Variants in SRSF11 observed in about 807,000 individuals in gnomAD.
SRSF11 encodes serine and arginine rich splicing factor 11.
SRSF11 carries 9 observed loss-of-function variants against 56.0 expected under a neutral mutation model. The observed-to-expected ratio is 0.16, with a 90% CI of 0.10 to 0.28. The LOEUF (loss-of-function observed/expected upper bound fraction) is 0.28, where lower values mean the gene tolerates loss of function less well. Among genes scored for constraint, SRSF11 ranks in the 10% least tolerant of loss-of-function variants. The pLI is 1.00. For synonymous variants in SRSF11, 222 were observed against 215.3 expected, an observed-to-expected ratio of 1.03 and a Z score of -0.27; for missense variants, 421 against 600.7, an observed-to-expected ratio of 0.70 and a Z score of 3.13.
chr1:70,227,933 A>G (rs1014157296), intron 1 of SRSF11, among the ~76,000 whole-genome samples: 1 of 152,196 alleles, frequency 6.6e-6, no homozygotes, highest in African/African-American at 2.4e-5. Context: ...AGTGCAGGGC[A>G]TGGAACCTGT....
chr1:70,209,921 A>G lies in SRSF11; in HGVS notation c.-26+4141A>G, dbSNP rs74838182. Among the ~76,000 whole-genome samples, 148 of 151,530 alleles carry G rather than the reference A, an allele frequency of 9.8e-4. 3 individuals are homozygous for G. The East Asian group carries it at 0.025, about 25-fold the overall frequency. On this transcript the variant is annotated intron_variant, in intron 1 of 12. Transcript: ENST00000370950. ...GCCAAGAAGACATTCTTTTCTTTTC[A>G]GTGAAGACAGTACATATTTTGCATT...
At chr1:70,219,307 C>T (rs1378944636), upstream of SRSF11, among the ~76,000 whole-genome samples, 1 of 152,066 alleles carries the variant, frequency 6.6e-6, no homozygotes, top group East Asian at 1.9e-4. Flanking sequence ...GATACCAGGA[C>T]CCCAGAGGAT....
rs762418462 is a variant in SRSF11, at chr1:70,251,514, T to C, written c.*709T>C. On this transcript the variant is annotated 3_prime_UTR_variant, in exon 12 of 12. Transcript: ENST00000370949. ...ATTTTGAAGTAGAGTTGTATACTTTTTCATAAGATGTTTGGGAATTTTTTT... is the reference window on the plus strand; with the variant it reads ...ATTTTGAAGTAGAGTTGTATACTTTCTCATAAGATGTTTGGGAATTTTTTT... 3 of 152,610 alleles carry C rather than the reference T, an allele frequency of 2.0e-5. No individual in the cohort carries two copies. The highest frequency in any genetic ancestry group is 4.4e-5 in the Non-Finnish European group (3 of 68,000). The allele number at this position is 152,610 out of a possible 1,614,324, so 9.5% of individuals were successfully genotyped here.
At chr1:70,233,322 G>A (rs762298933) in intron 3 of SRSF11, among the ~76,000 whole-genome samples, 13 of 152,088 alleles carry the variant, frequency 8.5e-5, no homozygotes, top group African/African-American at 2.2e-4. Flanking sequence ...TCGGCTCACC[G>A]CAGTCTCCAC....
At chr1:70,227,688 TCTTA>T (rs1218989552) in intron 1 of SRSF11, among the ~76,000 whole-genome samples, 1 of 152,192 alleles carries the variant, frequency 6.6e-6, no homozygotes, top group African/African-American at 2.4e-5. Context: ...GTGTTATCTG[TCTTA>T]CTTACACTGC....
chr1:70,222,994 A>G (rs919506866), intron 1 of SRSF11, among the ~76,000 whole-genome samples: 1 of 152,222 alleles, frequency 6.6e-6, no homozygotes, highest in East Asian at 1.9e-4. Flanking sequence ...CTTAGTTTGC[A>G]TGACGTGGAG....
At chr1:70,231,592 CCTAT>C (rs1672852280) in intron 2 of SRSF11, 1 of 1,127,534 alleles carries the variant, frequency 8.9e-7, no homozygotes, top group Non-Finnish European at 1.1e-6. Context: ...TGTTGTTTTA[CCTAT>C]CTCTCTTTCT....
At chr1:70,210,345 C>T (rs1287899853) in intron 1 of SRSF11, among the ~76,000 whole-genome samples, 1 of 151,936 alleles carries the variant, frequency 6.6e-6, no homozygotes, top group African/African-American at 2.4e-5. Flanking sequence ...TTTATAGAGA[C>T]AGGGTCTCCC....
intron 6 of SRSF11, among the ~76,000 whole-genome samples, chr1:70,238,934 G>T (rs1674708896): frequency 1.3e-5 from 2 of 152,162 alleles, no homozygotes; most frequent in Admixed American, 1.3e-4. Context: ...AAGCTTGGAT[G>T]ATTTGCAATT....
rs985393703 is a variant in SRSF11, at chr1:70,221,406, G to A, written c.-231G>A. 1.7e-5 allele frequency: 9 copies of A among 540,466 alleles called. No individual in the cohort carries two copies. Among genetic ancestry groups the A allele is most frequent in the African/African-American group, 1.6e-4 (8 of 50,482 alleles). The allele number at this position is 540,466 out of a possible 1,614,324, so 33.5% of individuals were successfully genotyped here. On this transcript the variant is annotated 5_prime_UTR_variant, in exon 1 of 12. Transcript: ENST00000370949. Reference sequence around the variant, plus strand: ...GTGTCGTGGTTGGAGGCGAGGTGGGGCGGCCGTTTGTTTTCTCGTGGTCTC... The same window carrying A: ...GTGTCGTGGTTGGAGGCGAGGTGGGACGGCCGTTTGTTTTCTCGTGGTCTC...
intron 1 of SRSF11, among the ~76,000 whole-genome samples, chr1:70,222,320 GATC>G (rs1670829771): frequency 6.6e-6 from 1 of 152,150 alleles, no homozygotes; most frequent in African/African-American, 2.4e-5. Context: ...ATAATTCAAA[GATC>G]ATATTCTTTT....
chr1:70,235,104 T>A (rs1558191553), intron 4 of SRSF11, among the ~76,000 whole-genome samples: 1 of 152,212 alleles, frequency 6.6e-6, no homozygotes, highest in Non-Finnish European at 1.5e-5. Flanking sequence ...GAAATTTTTC[T>A]TTTATTTTAA....
upstream of SRSF11, among the ~76,000 whole-genome samples, chr1:70,216,723 A>G (rs563441923): frequency 3.9e-5 from 6 of 152,294 alleles, 1 homozygote; most frequent in Admixed American, 3.9e-4. Context: ...ATGAGCCACC[A>G]TACCCAGTTG....
intron 4 of SRSF11, 122 bp from the exon 5 acceptor site, chr1:70,235,379 A>T (rs557044087): frequency 2.3e-4 from 189 of 810,548 alleles, no homozygotes; most frequent in Middle Eastern, 8.1e-4. Context: ...GTGGCTACTA[A>T]AAAATTTATG....
rs182560019 is a variant in SRSF11 at position 70,243,266 on chromosome 1, A to G, written c.801-1418A>G. On this transcript the variant is annotated intron_variant, in intron 7 of 11. Coordinates refer to ENST00000370949, the MANE Select transcript of SRSF11 (RefSeq NM_001350605.2). ...GTCCTCTGGAATCCACATATAGGAA[A>G]ACTCAGTCCTGACTATACATGGGTT... 2.7e-5 allele frequency among the ~76,000 whole-genome samples: 4 copies of G among 149,238 alleles called. No homozygotes were observed. In the East Asian group the frequency reaches 6.1e-4, roughly 23 times the overall value.
chr1:70,230,359 C>G, intron 2 of SRSF11: 5 of 1,068,292 alleles, frequency 4.7e-6, no homozygotes, highest in Non-Finnish European at 5.7e-6. Flanking sequence ...TATTACACTT[C>G]GGTGTTAGCT....
At position 70,221,562 on chromosome 1, in the gene SRSF11, T is replaced by C. The variant is rs1670628658; in HGVS notation, c.-75T>C. On this transcript the variant is annotated 5_prime_UTR_variant, in exon 1 of 12. Transcript: ENST00000370949. ...ACCCTCCTCTCTCCCGCAATCCGGT[T>C]CCTCTTCCCCCTCCTTCTCACTGTT... 6.6e-7 allele frequency: 1 copy of C among 1,524,418 alleles called. No homozygotes were observed. The highest frequency in any genetic ancestry group is 1.4e-5 in the African/African-American group (1 of 71,812). 94.4% of individuals were successfully genotyped at this position (1,524,418 alleles called of 1,614,324 possible).
chr1:70,235,642 A>G (rs1673812058), intron 5 of SRSF11, 92 bp downstream of exon 5: 3 of 1,269,560 alleles, frequency 2.4e-6, no homozygotes, highest in African/African-American at 3.0e-5. Flanking sequence ...AAAGTTATCA[A>G]GTTATCTTTT....
chr1:70,237,443 T>G lies in SRSF11; in HGVS notation c.609T>G (p.Ala203=), dbSNP rs1674374073. The change falls in exon 6 of 12, where the codon GCT becomes GCG. Residue 203 remains alanine, a synonymous_variant. Coordinates refer to ENST00000370949, the MANE Select transcript of SRSF11 (RefSeq NM_001350605.2). ...GTTTCAGGTTGAATCATGTAGCTGC[T>G]GGTCTCGTTTCACCAAGTCTGAAAT... ...TVDPKLNHVA[A]GLVSPSLKSD... 1 of 1,613,522 alleles carries G rather than the reference T, an allele frequency of 6.2e-7. No homozygotes were observed. The highest frequency in any genetic ancestry group is 8.5e-7 in the Non-Finnish European group (1 of 1,179,992).
Sources: gnomAD v4.1 joint callset for allele counts (sites outside exome capture counted in the v4.1 genomes callset) on GRCh38, gnomAD v4.1.1 for gene constraint, MANE v1.5 for transcripts, NCBI Gene and HGNC (gene_info 2026-07-23, HGNC 2026-07-21) for gene names.